NRXN1: variants seen among roughly 807,000 people sequenced by gnomAD.
NRXN1 encodes the protein neurexin 1.
In NRXN1, 39 loss-of-function variants were observed where a neutral mutation model predicts 150.9. That is an observed-to-expected ratio of 0.26 (90% CI 0.20 to 0.34). The LOEUF (loss-of-function observed/expected upper bound fraction) is 0.34. Among genes scored for constraint, NRXN1 ranks in the 10% least tolerant of loss-of-function variants. The pLI, the probability that NRXN1 is intolerant of heterozygous loss-of-function variation, is 1.00. For missense variants in NRXN1, 1,815 were observed against 1,949.9 expected (o/e 0.93, Z 1.30); for synonymous variants, 924 against 757.0 (o/e 1.22, Z -3.62).
intron 15 of NRXN1, among the ~76,000 whole-genome samples, chr2:50,495,664 AT>A (rs770533938): frequency 1.3e-5 from 2 of 152,088 alleles, no homozygotes; most frequent in Non-Finnish European, 2.9e-5. Context: ...CACTTTTTAC[AT>A]TTTAATCATG....
rs181427235 is a variant in NRXN1 at position 51,014,721 on chromosome 2, G to A, written c.772+12781C>T. 2.0e-5 allele frequency among the ~76,000 whole-genome samples: 3 copies of A among 152,052 alleles called. No individual in the cohort carries two copies. In the East Asian group the frequency reaches 5.8e-4, roughly 30 times the overall value. On this transcript the variant is annotated intron_variant, in intron 2 of 22. Transcript: ENST00000401669. The stretch of plus-strand genomic sequence containing the variant: ...TTGTGAATTTCTAGTGCGTGAATTG[G>A]GGAAAATTTTAAAAATCTTTCTGGG...
At chr2:50,959,020 A>T (rs948262611) in intron 2 of NRXN1, among the ~76,000 whole-genome samples, 1 of 152,096 alleles carries the variant, frequency 6.6e-6, no homozygotes, top group Non-Finnish European at 1.5e-5. Flanking sequence ...TTTTGTGTCT[A>T]CATTCATGAG....
intron 6 of NRXN1, 54 bp from the exon 7 acceptor site, chr2:50,621,303 T>A (rs1573828039): frequency 7.3e-7 from 1 of 1,379,150 alleles, no homozygotes; most frequent in African/African-American, 1.4e-5. Flanking sequence ...AGAATAACGA[T>A]CGTTACTTAA....
intron 15 of NRXN1, among the ~76,000 whole-genome samples, chr2:50,477,229 A>G (rs2104750878): frequency 6.6e-6 from 1 of 152,292 alleles, no homozygotes; most frequent in South Asian, 2.1e-4. Flanking sequence ...AAAGGCCACC[A>G]TAGAACTTAT....
intron 19 of NRXN1, among the ~76,000 whole-genome samples, chr2:50,076,769 AAGAATAACCAGC>A (rs1558825613): frequency 6.6e-6 from 1 of 152,192 alleles, no homozygotes; most frequent in Non-Finnish European, 1.5e-5. Flanking sequence ...CATCTAGACA[AAGAATAACCAGC>A]AGACAGGAAG....
intron 21 of NRXN1, among the ~76,000 whole-genome samples, chr2:50,051,205 C>G (rs924468053): frequency 2.6e-5 from 4 of 151,856 alleles, no homozygotes; most frequent in Non-Finnish European, 5.9e-5. Flanking sequence ...TGCATTTCTA[C>G]GTATTTAGCT....
At chr2:50,605,379 T>C (rs185451989) in intron 8 of NRXN1, among the ~76,000 whole-genome samples, 1 of 152,000 alleles carries the variant, frequency 6.6e-6, no homozygotes, top group East Asian at 2.0e-4. Flanking sequence ...TGAGGGCTTG[T>C]AGAATAAATG....
intron 18 of NRXN1, among the ~76,000 whole-genome samples, chr2:50,210,784 A>G (rs569805183): frequency 1.7e-4 from 26 of 151,696 alleles, no homozygotes; most frequent in African/African-American, 5.5e-4. Context: ...ATAAAGCACA[A>G]TCAAAACTAT....
intron 5 of NRXN1, among the ~76,000 whole-genome samples, chr2:50,783,953 T>TTC (rs1433092248): frequency 6.6e-6 from 1 of 152,148 alleles, no homozygotes; most frequent in African/African-American, 2.4e-5. Flanking sequence ...CCTTCCACTT[T>TTC]TCTCAAAGCT....
intron 2 of NRXN1, among the ~76,000 whole-genome samples, chr2:50,927,024 A>T (rs907883831): frequency 6.6e-6 from 1 of 151,976 alleles, no homozygotes; most frequent in Admixed American, 6.6e-5. Flanking sequence ...GCAAGGTTTC[A>T]GTAGTTATCA....
At chr2:50,306,570 T>A (rs1033656302) in intron 17 of NRXN1, among the ~76,000 whole-genome samples, 1 of 152,242 alleles carries the variant, frequency 6.6e-6, no homozygotes, top group African/African-American at 2.4e-5. Flanking sequence ...CAAGTAGGAT[T>A]TGTTCTGTCA....
intron 5 of NRXN1, among the ~76,000 whole-genome samples, chr2:50,804,911 T>C (rs564840215): frequency 2.2e-4 from 34 of 152,292 alleles, no homozygotes; most frequent in Middle Eastern, 3.4e-3. Flanking sequence ...CTTTTGTTTC[T>C]TTGGGAACAG....
At chr2:50,308,805 G>A (rs1455128468) in intron 17 of NRXN1, among the ~76,000 whole-genome samples, 1 of 152,164 alleles carries the variant, frequency 6.6e-6, no homozygotes, top group Non-Finnish European at 1.5e-5. Context: ...TGGTAGACAG[G>A]GAGTCAGACA....
intron 12 of NRXN1, among the ~76,000 whole-genome samples, chr2:50,520,834 G>A (rs2092767967): frequency 1.3e-5 from 2 of 151,904 alleles, no homozygotes; most frequent in African/African-American, 2.4e-5. Flanking sequence ...AGGTGAATAT[G>A]TCTGACTACT....
chr2:49,973,993 A>G (rs1573151656), intron 21 of NRXN1: 1 of 717,388 alleles, frequency 1.4e-6, no homozygotes, highest in Non-Finnish European at 2.6e-6. Context: ...GTGCCATCTC[A>G]TATCCATGTC....
rs1165814505 is a variant in NRXN1 at position 50,053,449 on chromosome 2, T to C, written c.3950A>G (p.Asn1317Ser). Reference sequence around the variant, plus strand: ...TCTCACATTTCCCACTATGGCGATGTTGGCATCGTTTTCGGCTGCCATATT... The same window carrying C: ...TCTCACATTTCCCACTATGGCGATGCTGGCATCGTTTTCGGCTGCCATATT... Reference protein sequence around the residue: ...VLNMAAENDANIAIVGNVRLV... With the variant: ...VLNMAAENDASIAIVGNVRLV... The change falls in exon 21 of 23, where the codon AAC becomes AGC. Residue 1317 changes from asparagine to serine, a missense_variant. Coordinates refer to ENST00000401669, the MANE Select transcript of NRXN1 (RefSeq NM_001330078.2). The C allele has an allele frequency of 2.5e-6, 4 of 1,613,950 alleles. No homozygotes were observed. Among genetic ancestry groups the C allele is most frequent in the Non-Finnish European group, 1.7e-6 (2 of 1,179,942 alleles).
At chr2:50,368,728 TA>T (rs2079788819) in intron 17 of NRXN1, among the ~76,000 whole-genome samples, 1 of 152,000 alleles carries the variant, frequency 6.6e-6, no homozygotes, top group African/African-American at 2.4e-5. Context: ...GCTAATTTTT[TA>T]TTGGCCTTGA....
intron 19 of NRXN1, among the ~76,000 whole-genome samples, chr2:50,090,775 G>T (rs1045599573): frequency 6.6e-6 from 1 of 152,114 alleles, no homozygotes; most frequent in East Asian, 1.9e-4. Flanking sequence ...ATATGAAAGT[G>T]AAAACAAACT....
chr2:50,958,569 G>T (rs1692635223), intron 2 of NRXN1, among the ~76,000 whole-genome samples: 1 of 151,870 alleles, frequency 6.6e-6, no homozygotes, highest in African/African-American at 2.4e-5. Context: ...CTTGTATTTT[G>T]CAACCATGCT....
Sources: gnomAD v4.1 joint callset for allele counts (sites outside exome capture counted in the v4.1 genomes callset) on GRCh38, gnomAD v4.1.1 for gene constraint, MANE v1.5 for transcripts, NCBI Gene and HGNC (gene_info 2026-07-23, HGNC 2026-07-21) for gene names.